The following AMPH variants were observed in gnomAD, a reference collection of about 807,000 sequenced individuals.
AMPH encodes amphiphysin (Stiff-Mann syndrome with breast cancer 128kD autoantigen).
A neutral mutation model predicts 99.1 loss-of-function variants in AMPH; 49 were observed. The observed-to-expected ratio is 0.49, with a 90% CI of 0.39 to 0.63. The LOEUF (loss-of-function observed/expected upper bound fraction) is 0.63, where lower values mean the gene tolerates loss of function less well. Ranked by LOEUF, AMPH falls within the 20% of genes least tolerant of loss-of-function variation. AMPH has a pLI of 0.00. For missense variants in AMPH, 759 were observed against 863.4 expected, an observed-to-expected ratio of 0.88 and a Z score of 1.52; for synonymous variants, 314 against 317.3, an observed-to-expected ratio of 0.99 and a Z score of 0.11.
At position 38,591,782 on chromosome 7, in the gene AMPH, G is replaced by A. The variant is rs545841527; in HGVS notation, c.69+39501C>T. On this transcript the variant is annotated intron_variant, in intron 1 of 20. Transcript: ENST00000356264. ...CCTCCCTAATTCTGTTCACTGCCCT[G>A]ACACTTGTCCCAAGGAACCAACTAT... Among the ~76,000 whole-genome samples the A allele has an allele frequency of 1.0e-3, 157 of 152,320 alleles. 1 individual carries two copies. The highest frequency in any genetic ancestry group is 3.7e-3 in the African/African-American group (153 of 41,564).
chr7:38,499,860 C>T lies in AMPH; in HGVS notation c.205+3790G>A, dbSNP rs892888398. On this transcript the variant is annotated intron_variant, in intron 3 of 20. Transcript: ENST00000356264. ...TGTTCTCGTGATAGTGAATAAGTCT[C>T]ATGAGATCTGATGGTTTGATAAAGG... is the stretch of plus-strand genomic sequence containing the variant. 6.6e-5 allele frequency among the ~76,000 whole-genome samples: 10 copies of T among 152,140 alleles called. No individual in the cohort carries two copies. In the South Asian group the frequency reaches 2.1e-3, roughly 32 times the overall value.
intron 7 of AMPH, among the ~76,000 whole-genome samples, chr7:38,466,632 T>A (rs949290573): frequency 6.6e-6 from 1 of 152,048 alleles, no homozygotes; most frequent in African/African-American, 2.4e-5. Context: ...AGACAACGCT[T>A]ATGGAACCCC....
chr7:38,428,928 G>T (rs980196567), intron 14 of AMPH: 1 of 1,032,326 alleles, frequency 9.7e-7, no homozygotes, highest in South Asian at 1.3e-5. Context: ...AATTTTTAAG[G>T]TCTTATGGTC....
chr7:38,454,741 A>G (rs1787165424), intron 11 of AMPH, among the ~76,000 whole-genome samples: 1 of 152,212 alleles, frequency 6.6e-6, no homozygotes, highest in African/African-American at 2.4e-5. Flanking sequence ...CTAAGAATCA[A>G]TAGAAGACAT....
chr7:38,539,174 T>C (rs1431152397), intron 1 of AMPH, among the ~76,000 whole-genome samples: 1 of 152,180 alleles, frequency 6.6e-6, no homozygotes, highest in Non-Finnish European at 1.5e-5. Context: ...CAGTTTCAAT[T>C]GCTACAGAGA....
At chr7:38,451,058 A>ATTTT (rs754144389) in intron 11 of AMPH, among the ~76,000 whole-genome samples, 1 of 137,910 alleles carries the variant, frequency 7.3e-6, no homozygotes, top group African/African-American at 2.7e-5. Context: ...ATGCCCAGCT[A>ATTTT]TTTTTTTTTT....
intron 2 of AMPH, among the ~76,000 whole-genome samples, chr7:38,516,135 T>G (rs1041371997): frequency 2.0e-5 from 3 of 152,226 alleles, no homozygotes; most frequent in Admixed American, 1.3e-4. Flanking sequence ...AAACCCATTT[T>G]CTGGAGAAGA....
intron 17 of AMPH, among the ~76,000 whole-genome samples, chr7:38,407,048 C>CTA (rs1200407336): frequency 6.1e-4 from 19 of 31,256 alleles, no homozygotes; most frequent in Non-Finnish European, 7.4e-4. Context: ...CTCTCTCTCT[C>CTA]TATATATATA....
chr7:38,506,667 G>A (rs1789336666), intron 2 of AMPH, among the ~76,000 whole-genome samples: 2 of 152,068 alleles, frequency 1.3e-5, no homozygotes, highest in South Asian at 4.1e-4. Context: ...GTTTGTCTAG[G>A]GCACATACAT....
intron 2 of AMPH, among the ~76,000 whole-genome samples, chr7:38,525,273 TATATAGAGAGAGAGAGAGAGAG>T (rs1490910669): frequency 1.2e-5 from 1 of 83,338 alleles, no homozygotes; most frequent in Non-Finnish European, 2.4e-5. Flanking sequence ...TATATATATA[TATATAGAGAGAGAGAGAGAGAG>T]AGAGAGAGAG....
intron 5 of AMPH, among the ~76,000 whole-genome samples, chr7:38,486,468 C>A (rs552750252): frequency 6.6e-6 from 1 of 151,790 alleles, no homozygotes; most frequent in African/African-American, 2.4e-5. Context: ...ACAACAAAAC[C>A]AAGACCAGAT....
At position 38,621,486 on chromosome 7, in the gene AMPH, C is replaced by T. The variant is rs573528293; in HGVS notation, c.69+9797G>A. ...ATTGACTTGACAATAGAATAGATAA[C>T]TAATAAAGCATATGAATTTAACATC... On this transcript the variant is annotated intron_variant, in intron 1 of 20. Transcript: ENST00000356264. 1.2e-3 allele frequency among the ~76,000 whole-genome samples: 180 copies of T among 152,202 alleles called. 2 individuals are homozygous for T. The highest frequency in any genetic ancestry group is 4.0e-3 in the African/African-American group (168 of 41,538).
At chr7:38,592,592 A>G (rs1792895754) in intron 1 of AMPH, among the ~76,000 whole-genome samples, 1 of 152,084 alleles carries the variant, frequency 6.6e-6, no homozygotes, top group South Asian at 2.1e-4. Context: ...TTAGCCGGGC[A>G]TGGTGGTGGG....
chr7:38,535,186 C>CA (rs892143791), intron 1 of AMPH, among the ~76,000 whole-genome samples, 175 bp from the exon 2 acceptor site: 382 of 138,852 alleles, frequency 2.8e-3, no homozygotes, highest in Middle Eastern at 3.7e-3. Context: ...TGGAGTTGAA[C>CA]AAAAAAAAAA....
chr7:38,594,615 A>C (rs1792982952), intron 1 of AMPH, among the ~76,000 whole-genome samples: 1 of 152,186 alleles, frequency 6.6e-6, no homozygotes, highest in African/African-American at 2.4e-5. Flanking sequence ...CTTCCACTCC[A>C]ATGGTTTGCT....
chr7:38,471,407 C>G (rs780785934), intron 7 of AMPH, among the ~76,000 whole-genome samples: 7 of 152,162 alleles, frequency 4.6e-5, no homozygotes, highest in Non-Finnish European at 1.0e-4. Flanking sequence ...TTACAACCTG[C>G]AATCATATTC....
intron 5 of AMPH, among the ~76,000 whole-genome samples, chr7:38,478,328 G>C (rs1324609204): frequency 6.6e-6 from 1 of 152,092 alleles, no homozygotes; most frequent in South Asian, 2.1e-4. Context: ...AAATATTACA[G>C]ATATTAAAAT....
intron 11 of AMPH, among the ~76,000 whole-genome samples, chr7:38,459,209 T>G (rs941140448): frequency 5.9e-5 from 9 of 151,830 alleles, no homozygotes; most frequent in African/African-American, 1.9e-4. Flanking sequence ...TACAAAATAC[T>G]GATGAAAGAA....
intron 11 of AMPH, among the ~76,000 whole-genome samples, chr7:38,441,339 T>A (rs573051499): frequency 6.6e-6 from 1 of 152,210 alleles, no homozygotes; most frequent in South Asian, 2.1e-4. Flanking sequence ...AAATAAGCAA[T>A]GGTATAAAAG....
Sources: allele counts gnomAD v4.1 joint callset (sites outside exome capture counted in the v4.1 genomes callset), GRCh38; gene constraint gnomAD v4.1.1; transcripts MANE v1.5; gene names NCBI Gene and HGNC (gene_info 2026-07-23, HGNC 2026-07-21).